The following LRPPRC variants were observed in gnomAD, a reference collection of about 807,000 sequenced individuals.
LRPPRC encodes leucine rich pentatricopeptide repeat containing, also known as leucine-rich PPR motif-containing protein, mitochondrial.
LRPPRC carries 120 observed loss-of-function variants against 180.3 expected under a neutral mutation model. The ratio of observed to expected loss-of-function variants is 0.67; its 90% confidence interval spans 0.57 to 0.77. The LOEUF is 0.77. LRPPRC is among the 30% of genes least tolerant of loss of function. The pLI, the probability that LRPPRC is intolerant of heterozygous loss-of-function variation, is 0.00. For synonymous variants in LRPPRC, 723 were observed against 600.0 expected, an observed-to-expected ratio of 1.21 and a Z score of -3.00; for missense variants, 2,012 against 1,657.2, an observed-to-expected ratio of 1.21 and a Z score of -3.72.
chr2:43,905,543 A>G, intron 31 of LRPPRC, 149 bp downstream of exon 31: 1 of 713,718 alleles, frequency 1.4e-6, no homozygotes, highest in South Asian at 1.5e-5. Flanking sequence ...ATGCATGTAC[A>G]GTAATTTATG....
Position 43,917,993 on chromosome 2 carries a change from C to A in LRPPRC, c.3148+32G>T, listed in dbSNP as rs1553396039. ...TGCTATTAGAAAGAAGACCACCCCC[C>A]CACACACACCCCCATCCCCGTATGT... On this transcript the variant is annotated intron_variant, in intron 29 of 37. Coordinates refer to ENST00000260665, the MANE Select transcript of LRPPRC (RefSeq NM_133259.4). 5.6e-6 allele frequency: 8 copies of A among 1,425,012 alleles called. No individual in the cohort carries two copies. The South Asian group carries it at 5.8e-5, about 10-fold the overall frequency. The allele number at this position is 1,425,012 out of a possible 1,614,324, so 88.3% of individuals were successfully genotyped here.
At chr2:43,993,569 G>A (rs1038023741) in intron 1 of LRPPRC, among the ~76,000 whole-genome samples, 3 of 152,108 alleles carry the variant, frequency 2.0e-5, no homozygotes, top group African/African-American at 7.2e-5. Context: ...TGTGTTTCAC[G>A]TGGGCAAGAT....
chr2:43,890,393 T>C (rs1243879888), intron 36 of LRPPRC: 1 of 468,828 alleles, frequency 2.1e-6, no homozygotes, highest in Non-Finnish European at 4.4e-6. Context: ...ATGGAAAGTA[T>C]AGTTAGCTAC....
chr2:43,934,692 C>A (rs1451791377), intron 24 of LRPPRC, 62 bp downstream of exon 24: 12 of 1,483,004 alleles, frequency 8.1e-6, no homozygotes, highest in Non-Finnish European at 1.1e-5. Flanking sequence ...TAACAATACA[C>A]TAAGATTAAA....
intron 30 of LRPPRC, among the ~76,000 whole-genome samples, chr2:43,911,149 GAT>G (rs34332260): frequency 0.61 from 88,727 of 146,152 alleles, 27,912 homozygotes; most frequent in East Asian, 0.95. Flanking sequence ...GAGTGTTCTA[GAT>G]ATATATATAT....
rs1670286790 is a variant in LRPPRC, at chr2:43,886,825, C to G, written c.*1775G>C. ...GACTGCAAAAAAATGAGGCCTGCTT[C>G]AGTGCAATCACTAAAGACAGGAGTG... On this transcript the variant is annotated 3_prime_UTR_variant, in exon 38 of 38. Transcript: ENST00000260665. 1 of 152,198 alleles carries G rather than the reference C, an allele frequency of 6.6e-6. No individual in the cohort carries two copies. Among genetic ancestry groups the G allele is most frequent in the Admixed American group, 6.5e-5 (1 of 15,276 alleles). 9.4% of individuals were successfully genotyped at this position (152,198 alleles called of 1,614,324 possible).
chr2:43,947,412 G>A (rs755236062), intron 19 of LRPPRC, 42 bp from the exon 20 acceptor site: 4 of 977,314 alleles, frequency 4.1e-6, no homozygotes, highest in South Asian at 1.3e-5. Flanking sequence ...CCTGAAAAAG[G>A]AAATATAGTA....
At chr2:43,968,995 A>G (rs1053482101) in intron 11 of LRPPRC, among the ~76,000 whole-genome samples, 1 of 152,220 alleles carries the variant, frequency 6.6e-6, no homozygotes, top group Admixed American at 6.5e-5. Context: ...AAATCATTAT[A>G]TTGTACACCT....
chr2:43,976,082 G>T lies in LRPPRC; in HGVS notation c.737+61C>A. Reference sequence around the variant, plus strand: ...TTAACAAACAAAAAAGGAGTAAAATGACCACTTTAGCATCTCAGCCATCTA... The same window carrying T: ...TTAACAAACAAAAAAGGAGTAAAATTACCACTTTAGCATCTCAGCCATCTA... On this transcript the variant is annotated intron_variant, in intron 6 of 37. Coordinates refer to ENST00000260665, the MANE Select transcript of LRPPRC (RefSeq NM_133259.4). The T allele has an allele frequency of 4.2e-6, 4 of 943,314 alleles. No individual in the cohort carries two copies. In the South Asian group the frequency reaches 5.4e-5, roughly 13 times the overall value. The allele number at this position is 943,314 out of a possible 1,614,324, so 58.4% of individuals were successfully genotyped here. A position where few individuals can be genotyped will look rare whatever the true frequency, so the allele number is the denominator to read the frequency against.
chr2:43,895,650 A>G (rs1670651085), intron 35 of LRPPRC, among the ~76,000 whole-genome samples: 1 of 152,218 alleles, frequency 6.6e-6, no homozygotes, highest in Non-Finnish European at 1.5e-5. Context: ...GCAATGAAGC[A>G]AATTTTTTAA....
At chr2:43,942,322 T>C (rs1318710142) in intron 23 of LRPPRC, among the ~76,000 whole-genome samples, 1 of 152,198 alleles carries the variant, frequency 6.6e-6, no homozygotes, top group Non-Finnish European at 1.5e-5. Flanking sequence ...TTTGCAGAAA[T>C]GGGTCTTTTA....
chr2:43,989,638 C>T (rs1674683249), intron 1 of LRPPRC, among the ~76,000 whole-genome samples: 1 of 152,186 alleles, frequency 6.6e-6, no homozygotes, highest in Admixed American at 6.5e-5. Context: ...CCATCTAAAA[C>T]ACAACAGTCT....
chr2:43,945,216 T>G, intron 22 of LRPPRC, 116 bp downstream of exon 22: 1 of 752,730 alleles, frequency 1.3e-6, no homozygotes, highest in East Asian at 2.6e-5. Context: ...CATGCAAATT[T>G]CTATGCAAAG....
In LRPPRC at chr2:43,889,857, T is replaced by A; in HGVS notation, c.4005A>T (p.Thr1335=). ...MKSYVSEKDV[T]SAKALYEHLT... is the part of the protein sequence containing the mutation. Reference sequence around the variant, plus strand: ...AATGTTCATACAGTGCTTTAGCAGATGTGACATCTTTCTCTGAGACTGACA... The same window carrying A: ...AATGTTCATACAGTGCTTTAGCAGAAGTGACATCTTTCTCTGAGACTGACA... The change falls in exon 37 of 38, where the codon ACA becomes ACT. Residue 1335 remains threonine (T), a synonymous_variant. Coordinates refer to ENST00000260665, the MANE Select transcript of LRPPRC (RefSeq NM_133259.4). The A allele has an allele frequency of 6.2e-7, 1 of 1,608,382 alleles. No homozygotes were observed. The highest frequency in any genetic ancestry group is 8.5e-7 in the Non-Finnish European group (1 of 1,174,672).
Position 43,894,565 on chromosome 2 carries a change from T to C in LRPPRC, c.3965A>G (p.Asn1322Ser), listed in dbSNP as rs778860532. ...ATTACCATAGCTTTTCATGAGGGAA[T>C]TGTATGCTTCTTCCTTTTCATTTAA... ...PELNEKEEAYNSLMKSYVSEK... is the reference protein window; with the variant it reads ...PELNEKEEAYSSLMKSYVSEK... The change falls in exon 36 of 38, where the codon AAT (asparagine) becomes AGT (serine). Residue 1322 changes from asparagine to serine, a missense_variant. By Grantham distance (46) the Asn-to-Ser change is conservative. Transcript: ENST00000260665. The C allele has an allele frequency of 9.8e-6, 15 of 1,536,582 alleles. No individual in the cohort carries two copies. The highest frequency in any genetic ancestry group is 8.2e-5 in the African/African-American group (6 of 73,552).
intron 11 of LRPPRC, among the ~76,000 whole-genome samples, chr2:43,966,247 TA>T (rs60292399): frequency 0.017 from 2,390 of 140,868 alleles, 44 homozygotes; most frequent in African/African-American, 0.052. Flanking sequence ...TGGAATCTAC[TA>T]AAAAAAAAAA....
chr2:43,959,913 T>C (rs966818472), intron 13 of LRPPRC, among the ~76,000 whole-genome samples: 15 of 152,044 alleles, frequency 9.9e-5, no homozygotes, highest in Admixed American at 2.0e-4. Context: ...TAAAATAAAG[T>C]GCAGTATGGT....
intron 4 of LRPPRC, 40 bp from the exon 5 acceptor site, chr2:43,977,092 T>C (rs1335139104): frequency 1.9e-6 from 3 of 1,609,102 alleles, no homozygotes; most frequent in Non-Finnish European, 2.6e-6. Flanking sequence ...AATATACTTT[T>C]TTTTCTGAGT....
intron 11 of LRPPRC, among the ~76,000 whole-genome samples, chr2:43,966,990 G>A (rs1255639814): frequency 1.3e-5 from 2 of 152,094 alleles, no homozygotes; most frequent in Admixed American, 6.5e-5. Context: ...GGCAGAAGTT[G>A]CAGTGAGCTG....
Sources: gnomAD v4.1 joint callset for allele counts (sites outside exome capture counted in the v4.1 genomes callset) on GRCh38, gnomAD v4.1.1 for gene constraint, MANE v1.5 for transcripts, NCBI Gene and HGNC (gene_info 2026-07-23, HGNC 2026-07-21) for gene names.